XRCC4: variants seen among roughly 807,000 people sequenced by gnomAD.
XRCC4 encodes the protein DNA repair protein XRCC4.
In XRCC4, 28 loss-of-function variants were observed where a neutral mutation model predicts 39.1. That is an observed-to-expected ratio of 0.72 (90% CI 0.53 to 0.98). XRCC4 has a LOEUF of 0.98. Ranked by LOEUF, XRCC4 falls within the 50% of genes least tolerant of loss-of-function variation. The pLI, the probability that XRCC4 is intolerant of heterozygous loss-of-function variation, is 0.00. For synonymous variants in XRCC4, 123 were observed against 126.4 expected (o/e 0.97, Z 0.18); for missense variants, 350 against 376.4 (o/e 0.93, Z 0.58).
At chr5:83,114,760 C>T (rs976615477) in intron 3 of XRCC4, among the ~76,000 whole-genome samples, 5 of 152,152 alleles carry the variant, frequency 3.3e-5, no homozygotes, top group African/African-American at 4.8e-5. Context: ...TACCCAGTTC[C>T]GAAGTTTCTT....
chr5:83,140,455 G>A (rs1055847698), intron 3 of XRCC4, among the ~76,000 whole-genome samples: 9 of 152,020 alleles, frequency 5.9e-5, no homozygotes, highest in African/African-American at 1.5e-4. Flanking sequence ...TGTTCTAGCC[G>A]CACTGGCAGC....
At chr5:83,106,675 G>C (rs1307481290) in intron 2 of XRCC4, among the ~76,000 whole-genome samples, 2 of 151,748 alleles carry the variant, frequency 1.3e-5, no homozygotes, top group African/African-American at 4.8e-5. Flanking sequence ...TCATACAATT[G>C]TGCTGGCATC....
At chr5:83,175,872 G>A (rs776018718) in intron 3 of XRCC4, among the ~76,000 whole-genome samples, 2 of 152,230 alleles carry the variant, frequency 1.3e-5, no homozygotes, top group South Asian at 2.1e-4. Flanking sequence ...GCCTCCCAAA[G>A]TGCTAGGATT....
chr5:83,217,182 C>T (rs1043418185), intron 6 of XRCC4, among the ~76,000 whole-genome samples: 154 of 151,700 alleles, frequency 1.0e-3, no homozygotes, highest in African/African-American at 3.5e-3. Context: ...GGTGAAACCC[C>T]GTCTCTACTA....
In XRCC4 at chr5:83,255,891, G is replaced by A. The variant is rs112933325; in HGVS notation, c.746-2639G>A. 4.9e-3 allele frequency among the ~76,000 whole-genome samples: 739 copies of A among 152,224 alleles called. 2 individuals are homozygous for A. The highest frequency in any genetic ancestry group is 0.016 in the African/African-American group (667 of 41,522). ...GGACACAGAACCATTTAAAAATTTAGCAGGTTATCTCTAGGTGTAAATAGG... is the reference window on the plus strand; with the variant it reads ...GGACACAGAACCATTTAAAAATTTAACAGGTTATCTCTAGGTGTAAATAGG... On this transcript the variant is annotated intron_variant, in intron 6 of 7. Transcript: ENST00000396027.
intron 1 of XRCC4, among the ~76,000 whole-genome samples, chr5:83,096,898 C>T (rs1237043943): frequency 2.1e-5 from 3 of 143,516 alleles, no homozygotes; most frequent in Admixed American, 6.7e-5. Context: ...TTCCCACAGT[C>T]CCACTCGTCA....
chr5:83,112,286 G>T (rs768100281), intron 3 of XRCC4, among the ~76,000 whole-genome samples: 3 of 152,096 alleles, frequency 2.0e-5, no homozygotes, highest in Non-Finnish European at 2.9e-5. Context: ...CTTTCCTGTG[G>T]CCCAAGCTCA....
chr5:83,366,510 T>C, the XRCC4 span, among the ~76,000 whole-genome samples: 1 of 152,184 alleles, frequency 6.6e-6, no homozygotes, highest in East Asian at 1.9e-4. Flanking sequence ...ACTCTTCAAA[T>C]AGGAGGCAGT....
At chr5:83,104,783 A>AT in intron 1 of XRCC4, 127 bp from the exon 2 acceptor site, 1 of 722,726 alleles carries the variant, frequency 1.4e-6, no homozygotes, top group East Asian at 2.8e-5. Context: ...TGAACCTATT[A>AT]TACAGTTTTT....
At chr5:83,157,895 T>C (rs902759415) in intron 3 of XRCC4, among the ~76,000 whole-genome samples, 1 of 152,116 alleles carries the variant, frequency 6.6e-6, no homozygotes, top group Non-Finnish European at 1.5e-5. Context: ...TGAAAAATTG[T>C]TTAAAAAATA....
intron 7 of XRCC4, among the ~76,000 whole-genome samples, chr5:83,272,742 C>A (rs1382349879): frequency 1.3e-5 from 2 of 152,150 alleles, no homozygotes; most frequent in African/African-American, 4.8e-5. Context: ...CATGTCCCTG[C>A]AAATGGCATT....
the XRCC4 span, among the ~76,000 whole-genome samples, chr5:83,362,316 A>AAAAAAAAAAC: frequency 2.1e-4 from 30 of 146,030 alleles, no homozygotes; most frequent in African/African-American, 7.7e-4. Context: ...AAAAAAAAAA[A>AAAAAAAAAAC]AACTATCTCA....
chr5:83,237,975 T>A (rs941264807), intron 6 of XRCC4, among the ~76,000 whole-genome samples: 2 of 152,164 alleles, frequency 1.3e-5, no homozygotes, highest in African/African-American at 4.8e-5. Flanking sequence ...TAATTAAATA[T>A]GTTTAAAATA....
intron 3 of XRCC4, among the ~76,000 whole-genome samples, chr5:83,174,067 G>C (rs535211859): frequency 7.6e-4 from 116 of 152,262 alleles, no homozygotes; most frequent in Non-Finnish European, 1.5e-3. Flanking sequence ...ACCTGTGGGA[G>C]CTACCGTGCT....
At chr5:83,306,609 C>T (rs999987632) in intron 7 of XRCC4, among the ~76,000 whole-genome samples, 4 of 152,224 alleles carry the variant, frequency 2.6e-5, no homozygotes, top group Non-Finnish European at 4.4e-5. Flanking sequence ...ATACAGTTCT[C>T]AGCCATTGTT....
chr5:83,310,682 C>T (rs1348422496), intron 7 of XRCC4: 13 of 417,250 alleles, frequency 3.1e-5, no homozygotes, highest in South Asian at 8.6e-5. Context: ...TTAGCTTTTA[C>T]GGTAAAACGT....
intron 7 of XRCC4, among the ~76,000 whole-genome samples, chr5:83,275,296 GTTTT>G (rs59794451): frequency 7.1e-6 from 1 of 141,528 alleles, no homozygotes. Flanking sequence ...GCTAGGTTAG[GTTTT>G]TTTTTTTTTT....
intron 6 of XRCC4, among the ~76,000 whole-genome samples, chr5:83,245,978 T>C (rs1753085493): frequency 6.6e-6 from 1 of 152,108 alleles, no homozygotes; most frequent in Non-Finnish European, 1.5e-5. Context: ...CTTGTTTTTC[T>C]ATAGATTAAA....
intron 3 of XRCC4, among the ~76,000 whole-genome samples, chr5:83,112,896 T>C (rs775989755): frequency 1.1e-4 from 17 of 152,162 alleles, no homozygotes; most frequent in Admixed American, 3.3e-4. Flanking sequence ...CAATTGAAGA[T>C]GAGATTTGGG....
Sources: gnomAD v4.1 joint callset for allele counts (sites outside exome capture counted in the v4.1 genomes callset) on GRCh38, gnomAD v4.1.1 for gene constraint, MANE v1.5 for transcripts, NCBI Gene and HGNC (gene_info 2026-07-23, HGNC 2026-07-21) for gene names.